Variants in ZC3HAV1L observed in about 807,000 individuals in gnomAD.
ZC3HAV1L encodes zinc finger CCCH-type antiviral protein 1-like.
In ZC3HAV1L, 23 loss-of-function variants were observed where a neutral mutation model predicts 28.2. The observed-to-expected ratio is 0.82, with a 90% CI of 0.59 to 1.16. ZC3HAV1L has a LOEUF of 1.16. Among genes scored for constraint, ZC3HAV1L ranks in the 50% most tolerant of loss-of-function variants. The pLI, the probability that ZC3HAV1L is intolerant of heterozygous loss-of-function variation, is 0.00. For missense variants in ZC3HAV1L, 376 were observed against 387.7 expected, an observed-to-expected ratio of 0.97 and a Z score of 0.25; for synonymous variants, 180 against 163.4, an observed-to-expected ratio of 1.10 and a Z score of -0.78.
chr7:139,031,565 G>A (rs1003576465), intron 2 of ZC3HAV1L, among the ~76,000 whole-genome samples: 11 of 151,662 alleles, frequency 7.3e-5, no homozygotes, highest in Non-Finnish European at 1.5e-4. Flanking sequence ...CAGTCTGGGC[G>A]ACAGAGCAAG....
chr7:139,025,016 G>A (rs1046642148), downstream of ZC3HAV1L, among the ~76,000 whole-genome samples: 1 of 152,164 alleles, frequency 6.6e-6, no homozygotes, highest in Admixed American at 6.5e-5. Flanking sequence ...AGGGAGAAAG[G>A]GGAAAGGGAA....
chr7:139,035,014 C>T (rs1815658116), intron 1 of ZC3HAV1L: 39 of 985,328 alleles, frequency 4.0e-5, no homozygotes, highest in Non-Finnish European at 4.7e-5. Context: ...AAAGAAAGCG[C>T]CCCTATCCCC....
intron 2 of ZC3HAV1L, 23 bp from the exon 3 acceptor site, chr7:139,028,983 C>G: frequency 6.3e-7 from 1 of 1,593,842 alleles, no homozygotes; most frequent in South Asian, 1.1e-5. Flanking sequence ...TGAGGGAACA[C>G]CTGAAATATT....
chr7:139,027,415 G>A (rs1297976527), intron 3 of ZC3HAV1L, among the ~76,000 whole-genome samples: 1 of 152,244 alleles, frequency 6.6e-6, no homozygotes, highest in Non-Finnish European at 1.5e-5. Context: ...GCTCACGCCT[G>A]TCATCCCAAC....
intron 3 of ZC3HAV1L, among the ~76,000 whole-genome samples, chr7:139,027,849 G>A (rs1320661431): frequency 6.6e-6 from 1 of 152,180 alleles, no homozygotes; most frequent in African/African-American, 2.4e-5. Context: ...TAACAGAACT[G>A]AAGGGCCTAT....
chr7:139,034,949 G>C, intron 1 of ZC3HAV1L: 1 of 985,404 alleles, frequency 1.0e-6, no homozygotes, highest in Non-Finnish European at 1.2e-6. Flanking sequence ...TGTTCCGTAG[G>C]CGACTGCACC....
At chr7:139,024,162 C>G (rs775421774), downstream of ZC3HAV1L, among the ~76,000 whole-genome samples, 3 of 152,118 alleles carry the variant, frequency 2.0e-5, no homozygotes, top group African/African-American at 2.4e-5. Flanking sequence ...TCTTTTCCAA[C>G]TATAATGCGA....
intron 3 of ZC3HAV1L, among the ~76,000 whole-genome samples, 175 bp downstream of exon 3, chr7:139,028,527 G>C (rs980762927): frequency 2.0e-5 from 3 of 152,088 alleles, no homozygotes; most frequent in Non-Finnish European, 2.9e-5. Flanking sequence ...TAGGATCACC[G>C]TTCTATACAA....
Position 139,034,602 on chromosome 7 carries a change from G to A in ZC3HAV1L, c.442C>T (p.Leu148Phe), listed in dbSNP as rs1563116247. Reference sequence around the variant, plus strand: ...AGGATCCGAAGCTGGTTTTCATTGAGACCAAAAAGTCCATGGCTTTTCAGG... The same window carrying A: ...AGGATCCGAAGCTGGTTTTCATTGAAACCAAAAAGTCCATGGCTTTTCAGG... Reference protein sequence around the residue: ...QVLKSHGLFGLNENQLRILLL... With the variant: ...QVLKSHGLFGFNENQLRILLL... The change falls in exon 2 of 5, where the codon CTC (leucine) becomes TTC (phenylalanine). Residue 148 changes from leucine to phenylalanine, a missense_variant. By Grantham distance (22) the Leu-to-Phe change is conservative. Coordinates refer to ENST00000275766, the MANE Select transcript of ZC3HAV1L (RefSeq NM_080660.4). 3 of 1,614,072 alleles carry A rather than the reference G, an allele frequency of 1.9e-6. No homozygotes were observed. The Admixed American group carries it at 5.0e-5, about 27-fold the overall frequency.
At chr7:139,027,561 C>T (rs1263568209) in intron 3 of ZC3HAV1L, among the ~76,000 whole-genome samples, 1 of 152,086 alleles carries the variant, frequency 6.6e-6, no homozygotes, top group African/African-American at 2.4e-5. Flanking sequence ...GCCTGCAGTC[C>T]CAGCTACCAG....
intron 2 of ZC3HAV1L, among the ~76,000 whole-genome samples, chr7:139,031,842 T>C (rs1815543170): frequency 6.6e-6 from 1 of 151,884 alleles, no homozygotes; most frequent in Non-Finnish European, 1.5e-5. Context: ...GAGGTGGAGA[T>C]TGCAGTGAGC....
At chr7:139,029,575 A>C (rs1815464492) in intron 2 of ZC3HAV1L, among the ~76,000 whole-genome samples, 1 of 152,202 alleles carries the variant, frequency 6.6e-6, no homozygotes, top group Admixed American at 6.5e-5. Context: ...AGCTAAAAAA[A>C]TGCTAGAGTG....
At chr7:139,025,544 C>A (rs1286361409), downstream of ZC3HAV1L, among the ~76,000 whole-genome samples, 1 of 151,678 alleles carries the variant, frequency 6.6e-6, no homozygotes, top group Non-Finnish European at 1.5e-5. Context: ...GATGGACCTA[C>A]AAAAATTGAA....
Position 139,028,861 on chromosome 7 carries a change from C to T in ZC3HAV1L, c.601G>A (p.Glu201Lys), listed in dbSNP as rs758529388. 10 of 1,614,230 alleles carry T rather than the reference C, an allele frequency of 6.2e-6. No homozygotes were observed. The South Asian group carries it at 1.1e-4, about 18-fold the overall frequency. ...FHVCKSFVKGECKLQTCKRSH... is the reference protein window; with the variant it reads ...FHVCKSFVKGKCKLQTCKRSH... Reference sequence around the variant, plus strand: ...CGTTTGCAGGTCTGAAGTTTGCATTCTCCTTTCACAAAGGATTTGCACACA... The same window carrying T: ...CGTTTGCAGGTCTGAAGTTTGCATTTTCCTTTCACAAAGGATTTGCACACA... The change falls in exon 3 of 5, where the codon GAA becomes AAA. Residue 201 changes from glutamate (E) to lysine (K), a missense_variant. Transcript: ENST00000275766.
intron 2 of ZC3HAV1L, 79 bp downstream of exon 2, chr7:139,034,464 T>C: frequency 1.3e-6 from 2 of 1,557,370 alleles, no homozygotes; most frequent in Non-Finnish European, 1.7e-6. Context: ...TTAAAATTAA[T>C]ATGTAAAGCC....
In ZC3HAV1L at chr7:139,028,840, T is replaced by G; in HGVS notation, c.622A>C (p.Lys208Gln). The change falls in exon 3 of 5, where the codon AAA becomes CAA. Residue 208 changes from lysine to glutamine, a missense_variant. Coordinates refer to ENST00000275766, the MANE Select transcript of ZC3HAV1L (RefSeq NM_080660.4). ...VKGECKLQTC[K>Q]RSHQLIHAAS... ...GCATGGATAAGCTGATGGGACCGTT[T>G]GCAGGTCTGAAGTTTGCATTCTCCT... 6.2e-7 allele frequency: 1 copy of G among 1,614,186 alleles called. No individual in the cohort carries two copies. The highest frequency in any genetic ancestry group is 8.5e-7 in the Non-Finnish European group (1 of 1,180,034).
chr7:139,031,308 G>A (rs1020973900), intron 2 of ZC3HAV1L, among the ~76,000 whole-genome samples: 1 of 152,152 alleles, frequency 6.6e-6, no homozygotes, highest in African/African-American at 2.4e-5. Context: ...AAGTGGACTG[G>A]GCACAGTGGC....
At position 139,034,479 on chromosome 7, in the gene ZC3HAV1L, G is replaced by C. The variant is rs563371393; in HGVS notation, c.501+64C>G. 67 of 1,580,902 alleles carry C rather than the reference G, an allele frequency of 4.2e-5. No individual in the cohort carries two copies. In the African/African-American group the frequency reaches 6.9e-4, roughly 16 times the overall value. On this transcript the variant is annotated intron_variant, in intron 2 of 4. Transcript: ENST00000275766. Reference sequence around the variant, plus strand: ...TTAAAATTAATATGTAAAGCCAAAAGAAAAATAAATGGGGAAAGTACTTGT... The same window carrying C: ...TTAAAATTAATATGTAAAGCCAAAACAAAAATAAATGGGGAAAGTACTTGT...
chr7:139,035,664 G>A lies in ZC3HAV1L; in HGVS notation c.354C>T (p.Asn118=), dbSNP rs1815686690. The change falls in exon 1 of 5, where the codon AAC becomes AAT. Residue 118 remains asparagine, a synonymous_variant. Transcript: ENST00000275766. ...CGCCGCCTTCTCACCAGCAGTCCCGGTTGGGGCACTTGCCCAGCATGTGCC... is the reference window on the plus strand; with the variant it reads ...CGCCGCCTTCTCACCAGCAGTCCCGATTGGGGCACTTGCCCAGCATGTGCC... ...CRRHMLGKCP[N]RDCWSTCTLS... The A allele has an allele frequency of 1.4e-6, 2 of 1,458,236 alleles. No homozygotes were observed. The highest frequency in any genetic ancestry group is 5.2e-5 in the Admixed American group (2 of 38,368). The allele number at this position is 1,458,236 out of a possible 1,614,324, so 90.3% of individuals were successfully genotyped here. A position where few individuals can be genotyped will look rare whatever the true frequency, so the allele number is the denominator to read the frequency against.
Sources: gnomAD v4.1 joint callset for allele counts (sites outside exome capture counted in the v4.1 genomes callset) on GRCh38, gnomAD v4.1.1 for gene constraint, MANE v1.5 for transcripts, NCBI Gene and HGNC (gene_info 2026-07-23, HGNC 2026-07-21) for gene names.